The following PSD3 variants were observed in gnomAD, a reference collection of about 807,000 sequenced individuals.
PSD3 encodes PH and SEC7 domain-containing protein 3.
Under a neutral mutation model 105.5 loss-of-function variants are expected in PSD3, and 49 were observed. That is an observed-to-expected ratio of 0.46 (90% CI 0.37 to 0.59). The LOEUF is 0.59. Ranked by LOEUF, PSD3 falls within the 20% of genes least tolerant of loss-of-function variation. The pLI is 0.00. For missense variants in PSD3, 1,561 were observed against 1,263.8 expected (o/e 1.24, Z -3.57); for synonymous variants, 557 against 457.8 (o/e 1.22, Z -2.77).
At chr8:18,864,639 C>T (rs919429802) in intron 4 of PSD3, 9 of 152,166 alleles carry the variant, frequency 5.9e-5, no homozygotes, top group African/African-American at 2.2e-4. Context: ...CTCAGACCCC[C>T]ACCACTAGCA....
chr8:18,825,101 C>T (rs772357651), intron 4 of PSD3, among the ~76,000 whole-genome samples: 13 of 152,116 alleles, frequency 8.5e-5, no homozygotes, highest in Non-Finnish European at 1.9e-4. Context: ...TGCAATACTA[C>T]AATATACTAG....
intron 1 of PSD3, among the ~76,000 whole-genome samples, chr8:19,040,821 T>C (rs997263045): frequency 1.3e-5 from 2 of 152,208 alleles, no homozygotes; most frequent in African/African-American, 4.8e-5. Flanking sequence ...GAGTTGTTCT[T>C]GGACCACAGG....
chr8:18,737,784 G>A (rs1257273413), intron 9 of PSD3, among the ~76,000 whole-genome samples: 1 of 151,964 alleles, frequency 6.6e-6, no homozygotes, highest in East Asian at 1.9e-4. Context: ...TTATTTCACT[G>A]AACTTCAGTA....
intron 1 of PSD3, among the ~76,000 whole-genome samples, chr8:19,058,016 C>T (rs957760883): frequency 3.3e-5 from 5 of 152,148 alleles, no homozygotes; most frequent in Non-Finnish European, 7.3e-5. Context: ...TTCATAATCA[C>T]CAAAACTTGA....
chr8:18,648,660 G>A (rs1808238218), intron 10 of PSD3, among the ~76,000 whole-genome samples: 1 of 152,214 alleles, frequency 6.6e-6, no homozygotes, highest in African/African-American at 2.4e-5. Context: ...AGTGCTGATA[G>A]CAAGAAAATG....
chr8:19,069,646 G>T (rs1336984403), intron 1 of PSD3, among the ~76,000 whole-genome samples: 1 of 152,174 alleles, frequency 6.6e-6, no homozygotes, highest in Non-Finnish European at 1.5e-5. Flanking sequence ...TGTGCAGGAA[G>T]TAGCTAAGGG....
intron 4 of PSD3, among the ~76,000 whole-genome samples, chr8:18,805,117 T>C (rs944357203): frequency 6.6e-6 from 1 of 152,142 alleles, no homozygotes; most frequent in Non-Finnish European, 1.5e-5. Context: ...AACTTTTCAG[T>C]CTCTAGACCT....
chr8:18,885,040 G>A (rs190810697), intron 2 of PSD3, among the ~76,000 whole-genome samples: 6 of 152,286 alleles, frequency 3.9e-5, no homozygotes, highest in Admixed American at 2.6e-4. Flanking sequence ...TAAAATTGCC[G>A]TTTTTCAAAG....
chr8:18,810,928 A>C (rs1586088707), intron 4 of PSD3, among the ~76,000 whole-genome samples: 2 of 152,380 alleles, frequency 1.3e-5, no homozygotes, highest in South Asian at 4.1e-4. Context: ...GTACACCATC[A>C]GCAAAAAATA....
chr8:18,950,689 T>C (rs1012675357), intron 1 of PSD3, among the ~76,000 whole-genome samples: 4 of 152,302 alleles, frequency 2.6e-5, no homozygotes, highest in Middle Eastern at 3.4e-3. Context: ...TTGTACCCCA[T>C]AAATATATAC....
intron 1 of PSD3, among the ~76,000 whole-genome samples, chr8:19,083,911 G>A (rs1208770382): frequency 2.0e-5 from 3 of 152,174 alleles, no homozygotes; most frequent in Non-Finnish European, 4.4e-5. Context: ...CCTTCCTTCT[G>A]GTGTTCCCCT....
At chr8:19,052,786 G>A (rs1232983180) in intron 1 of PSD3, among the ~76,000 whole-genome samples, 2 of 98,956 alleles carry the variant, frequency 2.0e-5, no homozygotes. Flanking sequence ...CCTAAGCTGT[G>A]GGTGGGTGGG....
At chr8:18,557,592 A>C (rs1011262527) in intron 14 of PSD3, 1 of 153,750 alleles carries the variant, frequency 6.5e-6, no homozygotes, top group East Asian at 1.9e-4. Flanking sequence ...AAAAATGAAC[A>C]AGAAAGGTAG....
intron 1 of PSD3, among the ~76,000 whole-genome samples, chr8:19,058,617 G>A (rs77325976): frequency 0.026 from 4,016 of 152,022 alleles, 191 homozygotes; most frequent in African/African-American, 0.092. Context: ...TACCCTACCA[G>A]CTAGGCCCAA....
At chr8:18,707,320 C>A (rs1189573329) in intron 9 of PSD3, among the ~76,000 whole-genome samples, 1 of 152,180 alleles carries the variant, frequency 6.6e-6, no homozygotes, top group Admixed American at 6.5e-5. Context: ...TGAATATCAG[C>A]TCCTTGAAGT....
intron 9 of PSD3, among the ~76,000 whole-genome samples, chr8:18,745,657 G>A (rs755255123): frequency 6.6e-6 from 1 of 152,178 alleles, no homozygotes; most frequent in Non-Finnish European, 1.5e-5. Context: ...TGGAAGCTAC[G>A]CTGCTCATTG....
At chr8:19,022,137 T>A (rs1300783716) in intron 1 of PSD3, among the ~76,000 whole-genome samples, 1 of 152,152 alleles carries the variant, frequency 6.6e-6, no homozygotes, top group Non-Finnish European at 1.5e-5. Context: ...CCAGATCTCA[T>A]GTGAACTCAG....
chr8:18,907,699 C>T lies in PSD3; in HGVS notation c.130+28335G>A, dbSNP rs186237885. Among the ~76,000 whole-genome samples, 10 of 152,262 alleles carry T rather than the reference C, an allele frequency of 6.6e-5. No individual in the cohort carries two copies. The East Asian group carries it at 1.5e-3, about 24-fold the overall frequency. Reference sequence around the variant, plus strand: ...GTACACTCTGGTGTTCAAACAAGGGCGAAATCGCCTGATGACCTATTTCTC... The same window carrying T: ...GTACACTCTGGTGTTCAAACAAGGGTGAAATCGCCTGATGACCTATTTCTC... On this transcript the variant is annotated intron_variant, in intron 2 of 15. Transcript: ENST00000327040.
At chr8:18,648,347 C>G (rs1053623376) in intron 10 of PSD3, among the ~76,000 whole-genome samples, 2 of 152,282 alleles carry the variant, frequency 1.3e-5, no homozygotes, top group South Asian at 2.1e-4. Flanking sequence ...TTATTGGGAA[C>G]TAAAGCAAAG....
Sources: allele counts gnomAD v4.1 joint callset (sites outside exome capture counted in the v4.1 genomes callset), GRCh38; gene constraint gnomAD v4.1.1; transcripts MANE v1.5; gene names NCBI Gene and HGNC (gene_info 2026-07-23, HGNC 2026-07-21).